The following BACE2 variants were observed in gnomAD, a reference collection of about 807,000 sequenced individuals.
BACE2 encodes the protein beta-secretase 2, also known as 56 kDa aspartic-like protease.
Under a neutral mutation model 46.2 loss-of-function variants are expected in BACE2, and 17 were observed. The observed-to-expected ratio is 0.37, with a 90% CI of 0.25 to 0.55. BACE2 has a LOEUF of 0.55. Among genes scored for constraint, BACE2 ranks in the 20% least tolerant of loss-of-function variants. The pLI is 0.82. For missense variants in BACE2, 595 were observed against 698.1 expected (o/e 0.85, Z 1.66); for synonymous variants, 277 against 295.9 (o/e 0.94, Z 0.66).
intron 2 of BACE2, among the ~76,000 whole-genome samples, chr21:41,232,961 C>T (rs903829844): frequency 1.3e-4 from 19 of 151,778 alleles, no homozygotes; most frequent in Admixed American, 2.6e-4. Context: ...CTCCACCTCC[C>T]GGGTTCATGC....
intron 7 of BACE2, among the ~76,000 whole-genome samples, chr21:41,251,682 T>TC (rs1294727772): frequency 6.6e-6 from 1 of 151,942 alleles, no homozygotes; most frequent in African/African-American, 2.4e-5. Context: ...ATGCCTGTAA[T>TC]CCCAGCTACC....
chr21:41,193,290 G>A lies in BACE2; in HGVS notation c.312+24715G>A, dbSNP rs1162659628. Reference sequence around the variant, plus strand: ...GACAGGAATGGGGAAAAAGTCATTTGCCAAGTCAATGGCTGCATACCAGGT... The same window carrying A: ...GACAGGAATGGGGAAAAAGTCATTTACCAAGTCAATGGCTGCATACCAGGT... On this transcript the variant is annotated intron_variant, in intron 1 of 8. Transcript: ENST00000330333. This position sits in a 1 kb window ranked among gnomAD's most constrained non-coding sequence, Gnocchi z 4.2. Among the ~76,000 whole-genome samples the A allele has an allele frequency of 6.6e-6, 1 of 152,220 alleles. No individual in the cohort carries two copies. The highest frequency in any genetic ancestry group is 1.9e-4 in the East Asian group (1 of 5,194).
chr21:41,262,900 T>C (rs1055788453), intron 8 of BACE2, among the ~76,000 whole-genome samples: 3 of 152,154 alleles, frequency 2.0e-5, no homozygotes, highest in Non-Finnish European at 2.9e-5. Context: ...TTTAGAGTCG[T>C]TTGAATTTTC....
intron 2 of BACE2, 47 bp downstream of exon 2, chr21:41,226,401 G>A: frequency 6.6e-7 from 1 of 1,514,082 alleles, no homozygotes. Context: ...GGCACTGCAT[G>A]ATCAACATGC....
At chr21:41,177,696 C>T (rs896511614) in intron 1 of BACE2, 1 of 152,180 alleles carries the variant, frequency 6.6e-6, no homozygotes, top group African/African-American at 2.4e-5. Context: ...CATAAATCTT[C>T]GTTTAGAAAA....
At chr21:41,241,770 C>A in intron 3 of BACE2, 49 bp from the exon 4 acceptor site, 1 of 1,609,660 alleles carries the variant, frequency 6.2e-7, no homozygotes, top group African/African-American at 1.3e-5. Context: ...TGACCCATGT[C>A]TACACTGTGA....
chr21:41,247,661 C>T (rs978207372), intron 6 of BACE2, among the ~76,000 whole-genome samples: 7 of 152,216 alleles, frequency 4.6e-5, no homozygotes, highest in African/African-American at 1.4e-4. Flanking sequence ...GGCGGGGCGG[C>T]GGGGCCGTGG....
chr21:41,268,819 TACACAGCAC>T (rs1190571859), intron 8 of BACE2, among the ~76,000 whole-genome samples: 1 of 152,208 alleles, frequency 6.6e-6, no homozygotes, highest in East Asian at 1.9e-4. Flanking sequence ...ATTTTTATTA[TACACAGCAC>T]ACACAGCACA....
At chr21:41,264,333 A>C (rs1256797465) in intron 8 of BACE2, among the ~76,000 whole-genome samples, 1 of 152,084 alleles carries the variant, frequency 6.6e-6, no homozygotes, top group South Asian at 2.1e-4. Context: ...CTGTAATCCC[A>C]GAACTTTAGG....
chr21:41,278,826 C>T lies in BACE2; in HGVS notation c.*3202C>T, dbSNP rs2088516445. ...TCAGTTCTAAGTTCTGGACTAGTGC[C>T]ACTCGATATCATTGGGAATAAATCG... On this transcript the variant is annotated 3_prime_UTR_variant, in exon 9 of 9. Transcript: ENST00000330333. 1 of 152,124 alleles carries T rather than the reference C, an allele frequency of 6.6e-6. No individual in the cohort carries two copies. 9.4% of individuals were successfully genotyped at this position (152,124 alleles called of 1,614,324 possible). A position where few individuals can be genotyped will look rare whatever the true frequency, so the allele number is the denominator to read the frequency against.
chr21:41,224,331 C>A (rs1227557274), intron 1 of BACE2, among the ~76,000 whole-genome samples: 1 of 150,052 alleles, frequency 6.7e-6, no homozygotes, highest in Non-Finnish European at 1.5e-5. Flanking sequence ...TCTCCTGCCT[C>A]AGCCTCCCAA....
Position 41,171,801 on chromosome 21 carries a change from T to A in BACE2, c.312+3226T>A, listed in dbSNP as rs139858142. 7.5e-3 allele frequency among the ~76,000 whole-genome samples: 1,138 copies of A among 152,330 alleles called. 16 individuals are homozygous for A. Among genetic ancestry groups the A allele is most frequent in the African/African-American group, 0.026 (1,092 of 41,564 alleles). On this transcript the variant is annotated intron_variant, in intron 1 of 8. Transcript: ENST00000330333. ...GATTCTTTTTCTGAAAGATTTTCTGTCATCTCCACTAACATAGGTAAAGCA... is the reference window on the plus strand; with the variant it reads ...GATTCTTTTTCTGAAAGATTTTCTGACATCTCCACTAACATAGGTAAAGCA...
chr21:41,239,491 C>T (rs1206582071), intron 3 of BACE2, among the ~76,000 whole-genome samples: 1 of 152,216 alleles, frequency 6.6e-6, no homozygotes, highest in Non-Finnish European at 1.5e-5. Context: ...GATTCTCGCA[C>T]CTCAGCCTCC....
At chr21:41,188,382 G>C (rs530463320) in intron 1 of BACE2, among the ~76,000 whole-genome samples, 1 of 152,298 alleles carries the variant, frequency 6.6e-6, no homozygotes, top group East Asian at 1.9e-4. Flanking sequence ...GAGAGGCAGG[G>C]TGTTCCATGG....
intron 2 of BACE2, among the ~76,000 whole-genome samples, chr21:41,231,232 G>A (rs549565774): frequency 8.5e-5 from 13 of 152,324 alleles, no homozygotes; most frequent in East Asian, 5.8e-4. Flanking sequence ...AGCATTTAAC[G>A]TTATTGAGGA....
chr21:41,170,264 A>G lies in BACE2; in HGVS notation c.312+1689A>G, dbSNP rs182903686. Among the ~76,000 whole-genome samples, 579 of 152,296 alleles carry G rather than the reference A, an allele frequency of 3.8e-3. 2 individuals carry two copies. The highest frequency in any genetic ancestry group is 0.01 in the African/African-American group (429 of 41,558). ...AATAACTTGCCTGTTAATTAATTCA[A>G]TGACCTTTATTTTAAAATGATGAGG... On this transcript the variant is annotated intron_variant, in intron 1 of 8. Transcript: ENST00000330333.
At position 41,275,895 on chromosome 21, in the gene BACE2, G is replaced by T; in HGVS notation, c.*271G>T. 2.3e-6 allele frequency: 1 copy of T among 442,218 alleles called. No homozygotes were observed. Among genetic ancestry groups the T allele is most frequent in the East Asian group, 4.0e-5 (1 of 24,786 alleles). The allele number at this position is 442,218 out of a possible 1,614,324, so 27.4% of individuals were successfully genotyped here. A position where few individuals can be genotyped will look rare whatever the true frequency, so the allele number is the denominator to read the frequency against. ...TTGGGCTGCAGGCTCTATGGGGTTC[G>T]TTATGCCAAAGTGTCTACATGTGCC... On this transcript the variant is annotated 3_prime_UTR_variant, in exon 9 of 9. Transcript: ENST00000330333.
chr21:41,225,582 A>C (rs573525279), intron 1 of BACE2: 1 of 152,276 alleles, frequency 6.6e-6, no homozygotes, highest in Non-Finnish European at 1.5e-5. Context: ...GTGGTCACAA[A>C]AGCCAGAAAG....
chr21:41,232,608 A>G (rs929841769), intron 2 of BACE2, among the ~76,000 whole-genome samples: 43 of 152,116 alleles, frequency 2.8e-4, no homozygotes, highest in Admixed American at 9.8e-4. Flanking sequence ...GTTAGTTCAC[A>G]TGAGAGCTGG....
Sources: allele counts gnomAD v4.1 joint callset (sites outside exome capture counted in the v4.1 genomes callset), GRCh38; gene constraint gnomAD v4.1.1; non-coding constraint Gnocchi (gnomAD v3.1); transcripts MANE v1.5; gene names NCBI Gene and HGNC (gene_info 2026-07-23, HGNC 2026-07-21).